The following KIF21B variants were observed in gnomAD, a reference collection of about 807,000 sequenced individuals.
KIF21B encodes kinesin family member 21B.
A neutral mutation model predicts 192.9 loss-of-function variants in KIF21B; 85 were observed. That is an observed-to-expected ratio of 0.44 (90% confidence interval 0.37 to 0.53). KIF21B has a LOEUF of 0.53. Among genes scored for constraint, KIF21B ranks in the 20% least tolerant of loss-of-function variants. The probability of loss-of-function intolerance (pLI) is 0.00; values close to 1 mark genes in which losing one functional copy is unlikely to be tolerated. For synonymous variants in KIF21B, 832 were observed against 884.6 expected, an observed-to-expected ratio of 0.94 and a Z score of 1.05; for missense variants, 1,716 against 2,194.8, an observed-to-expected ratio of 0.78 and a Z score of 4.36.
intron 31 of KIF21B, 35 bp downstream of exon 31, chr1:200,977,177 C>T: frequency 6.3e-7 from 1 of 1,583,182 alleles, no homozygotes; most frequent in Non-Finnish European, 8.6e-7. Flanking sequence ...CCTGGGAATG[C>T]CAAACCCTCC....
chr1:200,992,057 C>T (rs752385039), intron 16 of KIF21B, among the ~76,000 whole-genome samples: 1 of 152,250 alleles, frequency 6.6e-6, no homozygotes, highest in Non-Finnish European at 1.5e-5. Flanking sequence ...AAGTTCCTTC[C>T]CCTCTCCAGG....
intron 29 of KIF21B, 121 bp downstream of exon 29, chr1:200,980,839 C>A (rs1323366817): frequency 8.0e-7 from 1 of 1,253,544 alleles, no homozygotes; most frequent in East Asian, 2.7e-5. Context: ...AGCAAATAGA[C>A]CCCATATCCT....
rs1655198808 is a variant in KIF21B, at chr1:200,971,283, C to G, written c.*2238G>C. 6.6e-6 allele frequency: 1 copy of G among 152,590 alleles called. No individual in the cohort carries two copies. The highest frequency in any genetic ancestry group is 2.1e-4 in the South Asian group (1 of 4,838). 9.5% of individuals were successfully genotyped at this position (152,590 alleles called of 1,614,324 possible). ...AGAGAGTCAATGACACTTGCCAGGACAGCAGAGCTGGCCCCGCCGTGAGGT... is the reference window on the plus strand; with the variant it reads ...AGAGAGTCAATGACACTTGCCAGGAGAGCAGAGCTGGCCCCGCCGTGAGGT... On this transcript the variant is annotated 3_prime_UTR_variant, in exon 35 of 35. Transcript: ENST00000461742.
Position 201,004,813 on chromosome 1 carries a change from C to T in KIF21B, c.853G>A (p.Ala285Thr). The change falls in exon 6 of 35, where the codon GCT becomes ACT. Residue 285 changes from alanine (A) to threonine (T), a missense_variant. Ala to Thr is a moderately conservative substitution (Grantham distance 58). This residue lies in a region of KIF21B where 1,087 missense variants were observed against 1,316.6 expected (regional missense o/e 0.83). Coordinates refer to ENST00000461742, the MANE Select transcript of KIF21B (RefSeq NM_001252102.2). ...AGSERLKRTG[A>T]TGERAKEGIS... ...CCCTCCTTGGCCCGCTCGCCAGTAG[C>T]CCCTGTCCGCTTCAGCCGCTCTGAG... 1 of 1,614,140 alleles carries T rather than the reference C, an allele frequency of 6.2e-7. No individual in the cohort carries two copies. Among genetic ancestry groups the T allele is most frequent in the African/African-American group, 1.3e-5 (1 of 75,056 alleles).
chr1:200,987,280 T>A (rs986374319), intron 24 of KIF21B, 79 bp from the exon 25 acceptor site: 3 of 1,377,214 alleles, frequency 2.2e-6, no homozygotes, highest in Non-Finnish European at 3.0e-6. Flanking sequence ...AATTCTATTT[T>A]TTTTTTTTTG....
chr1:201,019,822 C>T (rs1234967395), intron 1 of KIF21B, among the ~76,000 whole-genome samples: 3 of 152,112 alleles, frequency 2.0e-5, no homozygotes, highest in Non-Finnish European at 4.4e-5. Context: ...CTTTGGGACT[C>T]GGAAGGCACC....
Position 200,975,051 on chromosome 1 carries a change from G to T in KIF21B, c.4615-138C>A. 1.2e-6 allele frequency: 1 copy of T among 817,614 alleles called. No homozygotes were observed. The highest frequency in any genetic ancestry group is 1.9e-6 in the Non-Finnish European group (1 of 517,260). 50.6% of individuals were successfully genotyped at this position (817,614 alleles called of 1,614,324 possible). A position where few individuals can be genotyped will look rare whatever the true frequency, so the allele number is the denominator to read the frequency against. On this transcript the variant is annotated intron_variant, in intron 33 of 34. Coordinates refer to ENST00000461742, the MANE Select transcript of KIF21B (RefSeq NM_001252102.2). This position sits in a 1 kb window ranked among gnomAD's most constrained non-coding sequence, Gnocchi z 4.3. The stretch of plus-strand genomic sequence containing the variant: ...AGCTGCCACACGGGCGGGTGACACT[G>T]GTTCCAGGAGCCATGCTGGGGTGGC...
chr1:201,005,800 C>T, intron 3 of KIF21B, 106 bp from the exon 4 acceptor site: 4 of 1,217,518 alleles, frequency 3.3e-6, no homozygotes, highest in Non-Finnish European at 4.6e-6. Context: ...GAAACTGAGG[C>T]TGTGGGTCCC....
intron 14 of KIF21B, among the ~76,000 whole-genome samples, chr1:200,997,463 G>A (rs1020508960): frequency 6.6e-6 from 1 of 152,154 alleles, no homozygotes; most frequent in African/African-American, 2.4e-5. Context: ...ACTCCAATTC[G>A]GCCAGGCACG....
chr1:201,018,363 G>A (rs1658633138), intron 1 of KIF21B, among the ~76,000 whole-genome samples: 1 of 152,216 alleles, frequency 6.6e-6, no homozygotes, highest in Non-Finnish European at 1.5e-5. Flanking sequence ...ATGACAGCAC[G>A]GATTTAGGAG....
intron 1 of KIF21B, among the ~76,000 whole-genome samples, chr1:201,012,506 A>C (rs981341578): frequency 1.3e-5 from 2 of 152,246 alleles, no homozygotes; most frequent in Non-Finnish European, 2.9e-5. Context: ...TTCTTCAGCA[A>C]GGAAGGTTGA....
Position 200,987,211 on chromosome 1 carries a change from G to A in KIF21B, c.3409-10C>T, listed in dbSNP as rs1371799743. ...ACAGTTTGGGCTCGCTCTGGGAAAA[G>A]AAGAACAGGGTGGATCAACTTGCCC... On this transcript the variant is annotated splice_polypyrimidine_tract_variant and intron_variant, in intron 24 of 34. Transcript: ENST00000461742. The A allele has an allele frequency of 6.2e-7, 1 of 1,610,340 alleles. No individual in the cohort carries two copies. Among genetic ancestry groups the A allele is most frequent in the Non-Finnish European group, 8.5e-7 (1 of 1,178,198 alleles).
At chr1:201,010,889 G>C (rs796204911) in intron 1 of KIF21B, among the ~76,000 whole-genome samples, 1 of 152,232 alleles carries the variant, frequency 6.6e-6, no homozygotes, top group African/African-American at 2.4e-5. Flanking sequence ...GAGTTAAAGG[G>C]GACTGGGGAG....
intron 1 of KIF21B, among the ~76,000 whole-genome samples, chr1:201,011,538 A>G (rs1031561510): frequency 1.3e-5 from 2 of 152,248 alleles, no homozygotes; most frequent in Admixed American, 6.5e-5. Flanking sequence ...CCAGGGGGAA[A>G]GAACATCTCA....
chr1:201,005,598 C>T lies in KIF21B; in HGVS notation c.544G>A (p.Gly182Ser), dbSNP rs1313449503. Reference sequence around the variant, plus strand: ...GTGACGCCAGTGGTGTAGATGCCACCGTTTGCGTCCTCGTGGATCTTGATG... The same window carrying T: ...GTGACGCCAGTGGTGTAGATGCCACTGTTTGCGTCCTCGTGGATCTTGATG... ...SNIKIHEDANGGIYTTGVTSR... is the reference protein window; with the variant it reads ...SNIKIHEDANSGIYTTGVTSR... Residue 182 changes from glycine to serine, a missense_variant, in exon 4 of 35, where the codon GGT (glycine) becomes AGT (serine). By Grantham distance (56) the Gly-to-Ser change is moderately conservative. Around this residue, in one of 3 missense-constraint regions of KIF21B, gnomAD observed 1,087 missense variants for 1,316.6 expected, o/e 0.83. Transcript: ENST00000461742. 8 of 1,613,464 alleles carry T rather than the reference C, an allele frequency of 5.0e-6. No homozygotes were observed. The highest frequency in any genetic ancestry group is 1.3e-5 in the African/African-American group (1 of 74,686).
At position 200,974,893 on chromosome 1, in the gene KIF21B, C is replaced by T. The variant is rs1655443747; in HGVS notation, c.4635G>A (p.Lys1545=). Residue 1545 remains lysine, a synonymous_variant, in exon 34 of 35, where the codon AAG becomes AAA. Transcript: ENST00000461742. ...ELIQQIPNAH[K]DWVCALAFIP... Reference sequence around the variant, plus strand: ...TGAAGGCCAGGGCGCACACCCAGTCCTTGTGCGCATTGGGGATTTGCTGTG... The same window carrying T: ...TGAAGGCCAGGGCGCACACCCAGTCTTTGTGCGCATTGGGGATTTGCTGTG... The T allele has an allele frequency of 6.2e-7, 1 of 1,613,816 alleles. No homozygotes were observed. Among genetic ancestry groups the T allele is most frequent in the African/African-American group, 1.3e-5 (1 of 74,922 alleles).
intron 29 of KIF21B, among the ~76,000 whole-genome samples, chr1:200,980,164 G>A (rs1399171387): frequency 6.6e-6 from 1 of 152,224 alleles, no homozygotes; most frequent in Non-Finnish European, 1.5e-5. Context: ...GCCGTGGAGA[G>A]CTATATTTAT....
Position 200,999,471 on chromosome 1 carries a change from G to C in KIF21B, c.1768-5C>G. The stretch of plus-strand genomic sequence containing the variant: ...CTCGTCTCGCTCTTCCTCCTCCTGG[G>C]CACCAGGCACCATTGGGGTGGGCCT... On this transcript the variant is annotated splice_polypyrimidine_tract_variant and splice_region_variant and intron_variant, in intron 12 of 34. Transcript: ENST00000461742. The surrounding 1 kb of genome is among the most constrained non-coding windows in gnomAD (Gnocchi z 4.7). The C allele has an allele frequency of 6.2e-7, 1 of 1,612,906 alleles. No homozygotes were observed. Among genetic ancestry groups the C allele is most frequent in the Non-Finnish European group, 8.5e-7 (1 of 1,179,364 alleles).
rs1435688017 is a variant in KIF21B, at chr1:201,018,135, TA to T, written c.41+5207del. Reference sequence around the variant, plus strand: ...CCTCCTCAATGTTCTCAATACTTTCTAGAGGGTAAAATGAAAGGCTAGGAGA... The same window carrying T: ...CCTCCTCAATGTTCTCAATACTTTCTGAGGGTAAAATGAAAGGCTAGGAGA... On this transcript the variant is annotated intron_variant, in intron 1 of 34. Coordinates refer to ENST00000461742, the MANE Select transcript of KIF21B (RefSeq NM_001252102.2). 9.9e-5 allele frequency among the ~76,000 whole-genome samples: 15 copies of T among 152,232 alleles called. No individual in the cohort carries two copies. The East Asian group carries it at 1.4e-3, about 14-fold the overall frequency.
Sources: allele counts gnomAD v4.1 joint callset (sites outside exome capture counted in the v4.1 genomes callset), GRCh38; gene constraint gnomAD v4.1.1; regional missense constraint gnomAD v4.1.1; non-coding constraint Gnocchi (gnomAD v3.1); transcripts MANE v1.5; gene names NCBI Gene and HGNC (gene_info 2026-07-23, HGNC 2026-07-21).